FNBP1: variants seen among roughly 807,000 people sequenced by gnomAD.
FNBP1 encodes the protein formin-binding protein 1.
Under a neutral mutation model 90.6 loss-of-function variants are expected in FNBP1, and 26 were observed. The ratio of observed to expected loss-of-function variants is 0.29; its 90% CI spans 0.21 to 0.40. The LOEUF is 0.40. Ranked by LOEUF, FNBP1 falls within the 10% of genes least tolerant of loss-of-function variation. The probability of loss-of-function intolerance (pLI) is 1.00; values close to 1 mark genes in which losing one functional copy is unlikely to be tolerated. For missense variants in FNBP1, 635 were observed against 768.0 expected (o/e 0.83, Z 2.05); for synonymous variants, 260 against 265.2 (o/e 0.98, Z 0.19).
chr9:129,956,556 C>A (rs902635629), intron 6 of FNBP1, among the ~76,000 whole-genome samples: 1 of 152,186 alleles, frequency 6.6e-6, no homozygotes, highest in Non-Finnish European at 1.5e-5. Flanking sequence ...AATACAAGTC[C>A]ATTTAGAGAA....
chr9:129,948,356 C>CTTTT (rs71385491), intron 6 of FNBP1, among the ~76,000 whole-genome samples: 4 of 64,482 alleles, frequency 6.2e-5, no homozygotes, highest in African/African-American at 1.4e-4. Flanking sequence ...ATTTTGGTGT[C>CTTTT]TTTTTTTTTT....
intron 1 of FNBP1, among the ~76,000 whole-genome samples, chr9:130,011,607 C>T (rs2056614738): frequency 6.6e-6 from 1 of 152,122 alleles, no homozygotes; most frequent in South Asian, 2.1e-4. Flanking sequence ...ATAGCACCAT[C>T]TGAGGAATGG....
At chr9:129,979,929 C>T (rs1010519574) in intron 2 of FNBP1, among the ~76,000 whole-genome samples, 8 of 151,636 alleles carry the variant, frequency 5.3e-5, no homozygotes, top group African/African-American at 1.9e-4. Context: ...AGGTGTGAGC[C>T]ACGGTGCCCG....
chr9:130,007,842 C>G (rs921261341), intron 1 of FNBP1, among the ~76,000 whole-genome samples: 8 of 151,858 alleles, frequency 5.3e-5, no homozygotes, highest in African/African-American at 1.7e-4. Flanking sequence ...ATGGCAAAAC[C>G]CCGTCTCTAC....
In FNBP1 at chr9:129,957,913, A is replaced by G. The variant is rs2047195320; in HGVS notation, c.409-449T>C. The stretch of plus-strand genomic sequence containing the variant: ...TCATAATTTCTAGAAGTTATTTTAA[A>G]ATCTGCATTTATTTCCATCAAAACT... On this transcript the variant is annotated intron_variant, in intron 5 of 16. Coordinates refer to ENST00000446176, the MANE Select transcript of FNBP1 (RefSeq NM_015033.3). The surrounding 1 kb of genome is among the most constrained non-coding windows in gnomAD (Gnocchi z 4.3). 6.6e-6 allele frequency among the ~76,000 whole-genome samples: 1 copy of G among 152,136 alleles called. No individual in the cohort carries two copies. The highest frequency in any genetic ancestry group is 6.6e-5 in the Admixed American group (1 of 15,262).
intron 12 of FNBP1, among the ~76,000 whole-genome samples, chr9:129,907,364 C>T (rs1404974400): frequency 6.6e-6 from 1 of 152,126 alleles, no homozygotes; most frequent in African/African-American, 2.4e-5. Context: ...ACTTATGTGC[C>T]AGGCACGGTT....
Position 129,927,236 on chromosome 9 carries a change from C to G in FNBP1, c.748G>C (p.Asp250His). 6.2e-7 allele frequency: 1 copy of G among 1,613,972 alleles called. No individual in the cohort carries two copies. The highest frequency in any genetic ancestry group is 1.1e-5 in the South Asian group (1 of 91,072). The change falls in exon 8 of 17, where the codon GAT becomes CAT. Residue 250 changes from aspartate (D) to histidine (H), a missense_variant. Asp to His is a moderately conservative substitution (Grantham distance 81, BLOSUM62 -1). Transcript: ENST00000446176. ...GATTCGGCTGCTTTTACTATTCCAT[C>G]CAGGCACTTCCCAATGATTGGGATC... Reference protein sequence around the residue: ...QVIPIIGKCLDGIVKAAESID... With the variant: ...QVIPIIGKCLHGIVKAAESID...
chr9:129,954,403 A>G (rs1356532384), intron 6 of FNBP1, among the ~76,000 whole-genome samples: 1 of 152,180 alleles, frequency 6.6e-6, no homozygotes, highest in Non-Finnish European at 1.5e-5. Context: ...TAGAACAGAC[A>G]AGAAAGGAAA....
intron 6 of FNBP1, among the ~76,000 whole-genome samples, chr9:129,938,783 G>A (rs950339576): frequency 2.0e-5 from 3 of 152,076 alleles, no homozygotes; most frequent in South Asian, 2.1e-4. Context: ...TAAAAGAGAA[G>A]AGGCCAATGC....
At chr9:129,974,640 G>A (rs574588893) in intron 4 of FNBP1, among the ~76,000 whole-genome samples, 43 of 150,926 alleles carry the variant, frequency 2.8e-4, no homozygotes, top group Non-Finnish European at 5.0e-4. Context: ...TGAGAAAATC[G>A]CCTGAACCCA....
Position 129,920,580 on chromosome 9 carries a change from G to A in FNBP1, c.1170+3264C>T, listed in dbSNP as rs148124155. Among the ~76,000 whole-genome samples, 677 of 152,288 alleles carry A rather than the reference G, an allele frequency of 4.4e-3. 5 individuals carry two copies. Among genetic ancestry groups the A allele is most frequent in the African/African-American group, 0.015 (620 of 41,556 alleles). ...CTCCCAAAGTGCTGGGGTTACAGGT[G>A]TGAGCCACAACGCCCAGCTTATCTT... is the stretch of plus-strand genomic sequence containing the variant. On this transcript the variant is annotated intron_variant, in intron 10 of 16. Transcript: ENST00000446176.
At chr9:129,922,041 A>T (rs568716026) in intron 10 of FNBP1, among the ~76,000 whole-genome samples, 124 of 151,456 alleles carry the variant, frequency 8.2e-4, no homozygotes, top group African/African-American at 2.9e-3. Flanking sequence ...CTGTATTGCA[A>T]CTCCCACAGG....
intron 10 of FNBP1, among the ~76,000 whole-genome samples, chr9:129,923,395 A>G (rs1325046842): frequency 2.0e-5 from 3 of 152,032 alleles, no homozygotes; most frequent in African/African-American, 4.8e-5. Flanking sequence ...CCTGGCCAAC[A>G]TGATGAAATG....
At chr9:129,949,188 T>A (rs958025328) in intron 6 of FNBP1, among the ~76,000 whole-genome samples, 2 of 152,078 alleles carry the variant, frequency 1.3e-5, no homozygotes, top group Non-Finnish European at 2.9e-5. Flanking sequence ...TCACTCGAGC[T>A]CATTCAAAGC....
At chr9:130,014,321 G>A (rs759368185) in intron 1 of FNBP1, among the ~76,000 whole-genome samples, 1 of 150,392 alleles carries the variant, frequency 6.6e-6, no homozygotes, top group Non-Finnish European at 1.5e-5. Flanking sequence ...GCGCAATCTC[G>A]GTTCACGGCA....
intron 6 of FNBP1, among the ~76,000 whole-genome samples, chr9:129,940,818 G>C (rs1780530390): frequency 6.6e-6 from 1 of 151,670 alleles, no homozygotes; most frequent in Admixed American, 6.6e-5. Flanking sequence ...GTAGAGACGG[G>C]GTTTCACCAT....
chr9:129,889,876 G>A lies in FNBP1; in HGVS notation c.*663C>T, dbSNP rs1015538633. The A allele has an allele frequency of 6.4e-5, 15 of 234,216 alleles. No homozygotes were observed. Among genetic ancestry groups the A allele is most frequent in the African/African-American group, 2.4e-4 (11 of 45,356 alleles). The allele number at this position is 234,216 out of a possible 1,614,324, so 14.5% of individuals were successfully genotyped here. A position where few individuals can be genotyped will look rare whatever the true frequency, so the allele number is the denominator to read the frequency against. On this transcript the variant is annotated 3_prime_UTR_variant, in exon 17 of 17. Coordinates refer to ENST00000446176, the MANE Select transcript of FNBP1 (RefSeq NM_015033.3). ...AACCAAAATGTGTGTATGCGCACGC[G>A]TGTGTACTGGTGGGTGTGCCTGTGG...
chr9:130,019,127 C>A (rs182676815), intron 1 of FNBP1, among the ~76,000 whole-genome samples: 8 of 151,706 alleles, frequency 5.3e-5, no homozygotes, highest in African/African-American at 1.9e-4. Context: ...CTCAGGAGGC[C>A]GAGGTGGGAG....
rs752171512 is a variant in FNBP1 at position 129,900,785 on chromosome 9, G to A, written c.1429-238C>T. ...AAGGACGGTTGCTTCCATTTCACCC[G>A]AAGTTGGAGACATAGAAACAAACTC... On this transcript the variant is annotated intron_variant, in intron 13 of 16. Coordinates refer to ENST00000446176, the MANE Select transcript of FNBP1 (RefSeq NM_015033.3). The surrounding 1 kb of genome is among the most constrained non-coding windows in gnomAD (Gnocchi z 4.1). Among the ~76,000 whole-genome samples, 7 of 152,262 alleles carry A rather than the reference G, an allele frequency of 4.6e-5. No homozygotes were observed. The highest frequency in any genetic ancestry group is 4.1e-4 in the South Asian group (2 of 4,838).
Sources: allele counts gnomAD v4.1 joint callset (sites outside exome capture counted in the v4.1 genomes callset), GRCh38; gene constraint gnomAD v4.1.1; non-coding constraint Gnocchi (gnomAD v3.1); transcripts MANE v1.5; gene names NCBI Gene and HGNC (gene_info 2026-07-23, HGNC 2026-07-21).